Variants in ZNF385D observed in about 807,000 individuals in gnomAD.
ZNF385D encodes zinc finger protein 659.
ZNF385D carries 15 observed loss-of-function variants against 35.8 expected under a neutral mutation model. The observed-to-expected ratio is 0.42, with a 90% CI of 0.28 to 0.64. The LOEUF (loss-of-function observed/expected upper bound fraction) is 0.64. ZNF385D is among the 30% of genes least tolerant of loss of function. ZNF385D has a pLI of 0.23. For synonymous variants in ZNF385D, 212 were observed against 186.8 expected (o/e 1.13, Z -1.10); for missense variants, 474 against 494.6 (o/e 0.96, Z 0.39).
chr3:22,256,662 A>T (rs541931768), intron 2 of ZNF385D, among the ~76,000 whole-genome samples: 28 of 152,014 alleles, frequency 1.8e-4, no homozygotes, highest in African/African-American at 6.7e-4. Flanking sequence ...AGTTATCATA[A>T]CAAATGGTAA....
chr3:22,265,508 G>A (rs1700854069), intron 2 of ZNF385D, among the ~76,000 whole-genome samples: 1 of 151,842 alleles, frequency 6.6e-6, no homozygotes. Context: ...CCAGAGAAAC[G>A]CAGTTGATTA....
intron 3 of ZNF385D, among the ~76,000 whole-genome samples, chr3:22,158,683 C>T (rs558288484): frequency 1.0e-4 from 13 of 128,086 alleles, no homozygotes; most frequent in Admixed American, 2.3e-4. Context: ...CACACATACA[C>T]ACACACACAC....
intron 2 of ZNF385D, among the ~76,000 whole-genome samples, chr3:21,662,828 C>A (rs933930450): frequency 6.6e-6 from 1 of 152,212 alleles, no homozygotes; most frequent in East Asian, 1.9e-4. Flanking sequence ...GGAACTGTCA[C>A]ATTTTCAGAA....
chr3:22,282,468 C>A (rs1701805351), intron 2 of ZNF385D, among the ~76,000 whole-genome samples: 1 of 151,916 alleles, frequency 6.6e-6, no homozygotes, highest in South Asian at 2.1e-4. Flanking sequence ...TTTAAATTTC[C>A]ATCTTGTTTT....
rs554164257 is a variant in ZNF385D, at chr3:22,111,963, G to A, written c.325+56854C>T. Among the ~76,000 whole-genome samples, 11 of 152,144 alleles carry A rather than the reference G, an allele frequency of 7.2e-5. No individual in the cohort carries two copies. In the South Asian group the frequency reaches 2.1e-3, roughly 29 times the overall value. ...TACTTCCATCAAATGCAGCCAAGTC[G>A]TTAAAAAATAGAAAAGTCGGCTGTG... On this transcript the variant is annotated intron_variant, in intron 3 of 5. Coordinates refer to the ZNF385D transcript ENST00000494108.
intron 2 of ZNF385D, among the ~76,000 whole-genome samples, chr3:22,276,292 G>A (rs1701423421): frequency 6.6e-6 from 1 of 152,092 alleles, no homozygotes; most frequent in African/African-American, 2.4e-5. Context: ...TTACTCTCCT[G>A]TAAGTCTGTC....
At chr3:21,638,850 G>A (rs1004009785) in intron 2 of ZNF385D, among the ~76,000 whole-genome samples, 6 of 151,982 alleles carry the variant, frequency 3.9e-5, no homozygotes, top group African/African-American at 7.2e-5. Flanking sequence ...AAGGAATGTC[G>A]AAATGGCAAT....
intron 3 of ZNF385D, among the ~76,000 whole-genome samples, chr3:22,063,868 G>T (rs772072154): frequency 3.3e-5 from 5 of 152,184 alleles, no homozygotes; most frequent in Admixed American, 6.5e-5. Context: ...AGCTCCTTAC[G>T]GGCTGGCTGA....
At chr3:21,878,134 C>G (rs1159592561) in intron 3 of ZNF385D, 1 of 151,930 alleles carries the variant, frequency 6.6e-6, no homozygotes, top group African/African-American at 2.4e-5. Flanking sequence ...AATATAGTAA[C>G]TGATGCAATC....
chr3:21,681,298 TAAAAAAA>T (rs55872870), intron 1 of ZNF385D, among the ~76,000 whole-genome samples: 11 of 64,486 alleles, frequency 1.7e-4, no homozygotes, highest in African/African-American at 2.8e-4. Flanking sequence ...ATTCCATCAG[TAAAAAAA>T]AAAAAAAAAA....
At chr3:22,242,705 T>A (rs752837464) in intron 2 of ZNF385D, among the ~76,000 whole-genome samples, 7 of 151,038 alleles carry the variant, frequency 4.6e-5, no homozygotes, top group South Asian at 2.2e-4. Flanking sequence ...AACAAAAATA[T>A]CAGGAGAAAA....
Position 21,626,719 on chromosome 3 carries a change from G to A in ZNF385D, c.165+38167C>T, listed in dbSNP as rs140666361. Among the ~76,000 whole-genome samples the A allele has an allele frequency of 9.9e-5, 15 of 152,194 alleles. No individual in the cohort carries two copies. The East Asian group carries it at 2.9e-3, about 29-fold the overall frequency. ...TGAATGTGATGGGAAGTGCAAAGATGGAACCTGAGAAGTGAGTTCAAAATG... is the reference window on the plus strand; with the variant it reads ...TGAATGTGATGGGAAGTGCAAAGATAGAACCTGAGAAGTGAGTTCAAAATG... On this transcript the variant is annotated intron_variant, in intron 2 of 7. Coordinates refer to ENST00000281523, the MANE Select transcript of ZNF385D (RefSeq NM_024697.3).
At chr3:21,655,109 A>G (rs1277737834) in intron 2 of ZNF385D, among the ~76,000 whole-genome samples, 1 of 151,462 alleles carries the variant, frequency 6.6e-6, no homozygotes, top group Non-Finnish European at 1.5e-5. Flanking sequence ...GGGAAGTGCA[A>G]AAAACAACAA....
At chr3:22,136,820 G>A (rs1007149116) in intron 3 of ZNF385D, among the ~76,000 whole-genome samples, 3 of 152,034 alleles carry the variant, frequency 2.0e-5, no homozygotes, top group African/African-American at 4.8e-5. Context: ...TTTTCTAACT[G>A]GAAAAATCAA....
intron 5 of ZNF385D, among the ~76,000 whole-genome samples, chr3:21,427,776 T>A (rs979069158): frequency 6.6e-6 from 1 of 152,144 alleles, no homozygotes; most frequent in East Asian, 1.9e-4. Flanking sequence ...CAGAAAGTCA[T>A]TGGGTTGTTC....
chr3:22,036,505 T>G (rs1416751675), intron 3 of ZNF385D, among the ~76,000 whole-genome samples: 1 of 151,578 alleles, frequency 6.6e-6, no homozygotes, highest in African/African-American at 2.4e-5. Context: ...AATACTTAAC[T>G]GAGAAAGGAA....
At chr3:22,200,579 T>C (rs749693558) in intron 2 of ZNF385D, among the ~76,000 whole-genome samples, 1 of 152,088 alleles carries the variant, frequency 6.6e-6, no homozygotes, top group African/African-American at 2.4e-5. Flanking sequence ...ACCACTGTCA[T>C]TGATAACATC....
chr3:21,718,628 T>C (rs891798451), intron 1 of ZNF385D, among the ~76,000 whole-genome samples: 1 of 152,214 alleles, frequency 6.6e-6, no homozygotes, highest in African/African-American at 2.4e-5. Flanking sequence ...AATAACTAAA[T>C]AGCTTGTTAG....
chr3:22,097,012 G>A (rs1219451810), intron 3 of ZNF385D, among the ~76,000 whole-genome samples: 3 of 152,066 alleles, frequency 2.0e-5, no homozygotes, highest in Admixed American at 2.0e-4. Context: ...CATGCTGTAA[G>A]CAAGCTCAAG....
Sources: allele counts gnomAD v4.1 joint callset (sites outside exome capture counted in the v4.1 genomes callset), GRCh38; gene constraint gnomAD v4.1.1; transcripts MANE v1.5; gene names NCBI Gene and HGNC (gene_info 2026-07-23, HGNC 2026-07-21).